Variants in PSG7 observed in about 807,000 individuals in gnomAD.
The protein encoded by PSG7 is pregnancy specific beta-1-glycoprotein 7, also known as pregnancy-specific beta-1-glycoprotein 7.
A neutral mutation model predicts 45.6 loss-of-function variants in PSG7; 57 were observed. That is an observed-to-expected ratio of 1.25 (90% CI 1.01 to 1.56). PSG7 has a LOEUF of 1.56. Ranked by LOEUF, PSG7 falls within the 40% of genes most tolerant of loss-of-function variation. The pLI is 0.00. For missense variants in PSG7, 796 were observed against 508.4 expected, an observed-to-expected ratio of 1.57 and a Z score of -5.44; for synonymous variants, 298 against 194.4, an observed-to-expected ratio of 1.53 and a Z score of -4.43.
intron 2 of PSG7, among the ~76,000 whole-genome samples, chr19:42,933,307 A>ATATAT (rs56691588): frequency 1.6e-3 from 22 of 13,494 alleles, no homozygotes; most frequent in East Asian, 4.9e-3. Flanking sequence ...ATATATATAT[A>ATATAT]TTTTTTTTTT....
chr19:42,933,307 A>ATATATATATTTTTTT (rs56691588), intron 2 of PSG7, among the ~76,000 whole-genome samples: 5 of 13,504 alleles, frequency 3.7e-4, no homozygotes, highest in South Asian at 7.0e-3. Context: ...ATATATATAT[A>ATATATATATTTTTTT]TTTTTTTTTT....
intron 3 of PSG7, chr19:42,929,176 T>A (rs1657121727): frequency 1.3e-6 from 1 of 772,968 alleles, no homozygotes; most frequent in Admixed American, 3.1e-5. Flanking sequence ...GCTGTGTTCA[T>A]GATCTGGAGC....
rs767017215 is a variant in PSG7, at chr19:42,929,678, G to T, written c.473C>A (p.Pro158His). 3 of 1,612,340 alleles carry T rather than the reference G, an allele frequency of 1.9e-6. No homozygotes were observed. The highest frequency in any genetic ancestry group is 2.2e-5 in the East Asian group (1 of 44,798). The change falls in exon 3 of 6, where the codon CCC becomes CAC. Residue 158 changes from proline (P) to histidine (H), a missense_variant. By Grantham distance (77) the Pro-to-His change is moderately conservative. Coordinates refer to ENST00000406070, the MANE Select transcript of PSG7 (RefSeq NM_002783.3). ...KPSISSSNFN[P>H]REATEAVILT... ...AATCACAGCCTCCGTGGCCTCCCTG[G>T]GGTTGAAATTGCTGCTGGAGATGGA...
At chr19:42,927,061 T>C (rs1972911424) in intron 3 of PSG7, 2 of 361,438 alleles carry the variant, frequency 5.5e-6, no homozygotes, top group Admixed American at 8.3e-5. Context: ...TTACCTGGAA[T>C]GTGCAACTGC....
rs144737325 is a variant in PSG7 at position 42,934,285 on chromosome 19, C to T, written c.430+1119G>A. Among the ~76,000 whole-genome samples the T allele has an allele frequency of 5.1e-3, 779 of 151,470 alleles. 18 individuals are homozygous for T. The highest frequency in any genetic ancestry group is 0.025 in the East Asian group (128 of 5,130). The stretch of plus-strand genomic sequence containing the variant: ...GGAGTGCAGACTAATCAGGTGACCA[C>T]TTGCTCTCACTCCTCTGAGGTTTGG... On this transcript the variant is annotated intron_variant, in intron 2 of 5. Transcript: ENST00000406070.
At chr19:42,936,041 G>C in intron 1 of PSG7, 1 of 582,826 alleles carries the variant, frequency 1.7e-6, no homozygotes, top group Non-Finnish European at 2.7e-6. Context: ...TTTTCTGTTT[G>C]GAATCCTCTT....
At position 42,935,509 on chromosome 19, in the gene PSG7, T is replaced by C. The variant is rs181854410; in HGVS notation, c.325A>G (p.Ile109Val). Residue 109 changes from isoleucine (I) to valine (V), a missense_variant, in exon 2 of 6, where the codon ATC (isoleucine) becomes GTC (valine). Transcript: ENST00000406070. ...GTGTCTTCCTGGGTGACATTCTGGA[T>C]CAGCAGGGATGCATTGGAATATACT... Reference protein sequence around the residue: ...ETVYSNASLLIQNVTQEDTGS... With the variant: ...ETVYSNASLLVQNVTQEDTGS... 4.3e-5 allele frequency: 69 copies of C among 1,612,244 alleles called. No individual in the cohort carries two copies. The highest frequency in any genetic ancestry group is 3.3e-4 in the Middle Eastern group (2 of 6,056).
intron 2 of PSG7, among the ~76,000 whole-genome samples, chr19:42,933,861 A>G (rs1254362031): frequency 5.9e-5 from 9 of 151,268 alleles, no homozygotes; most frequent in African/African-American, 9.7e-5. Flanking sequence ...CTTCAGAGTT[A>G]CATGAGGTGG....
intron 2 of PSG7, among the ~76,000 whole-genome samples, chr19:42,934,310 G>A (rs1317757141): frequency 6.6e-6 from 1 of 151,356 alleles, no homozygotes; most frequent in East Asian, 1.9e-4. Flanking sequence ...CTGAGGTTTG[G>A]ATGCCTAAGA....
At position 42,929,505 on chromosome 19, in the gene PSG7, C is replaced by T. The variant is rs763030433; in HGVS notation, c.646G>A (p.Glu216Lys). ...GVTNYTAGPY[E>K]CEIRNPVSAS... ...CTCACTGGGTTCCGTATTTCACATT[C>T]ATAGGGTCCTGCAGTATAGTTTGTG... Residue 216 changes from glutamate (E) to lysine (K), a missense_variant, in exon 3 of 6, where the codon GAA becomes AAA. Glu to Lys is a moderately conservative substitution (Grantham distance 56). Coordinates refer to ENST00000406070, the MANE Select transcript of PSG7 (RefSeq NM_002783.3). The T allele has an allele frequency of 6.2e-7, 1 of 1,612,596 alleles. No individual in the cohort carries two copies. Among genetic ancestry groups the T allele is most frequent in the East Asian group, 2.2e-5 (1 of 44,802 alleles).
chr19:42,933,420 G>A lies in PSG7; in HGVS notation c.430+1984C>T, dbSNP rs181940389. On this transcript the variant is annotated intron_variant, in intron 2 of 5. Coordinates refer to ENST00000406070, the MANE Select transcript of PSG7 (RefSeq NM_002783.3). ...TCCCTGTCCCATGGTCTTGTCCACA[G>A]GTCAGCCTCACAAAGTGAAAGAGCC... Among the ~76,000 whole-genome samples, 153 of 145,764 alleles carry A rather than the reference G, an allele frequency of 1.0e-3. 1 individual carries two copies. Among genetic ancestry groups the A allele is most frequent in the African/African-American group, 3.9e-3 (153 of 39,416 alleles).
At chr19:42,932,669 T>G (rs2122691134) in intron 2 of PSG7, among the ~76,000 whole-genome samples, 1 of 151,660 alleles carries the variant, frequency 6.6e-6, no homozygotes, top group Admixed American at 6.6e-5. Flanking sequence ...GGCCAGGCTA[T>G]CCTTGGGAAG....
At chr19:42,925,508 C>T in intron 5 of PSG7, 1 of 935,330 alleles carries the variant, frequency 1.1e-6, no homozygotes, top group Non-Finnish European at 1.5e-6. Flanking sequence ...ATCATAAAAA[C>T]ATTATCCTCA....
At chr19:42,935,873 G>GACACAC (rs60833164) in intron 1 of PSG7, 104 bp from the exon 2 acceptor site, 22,752 of 725,518 alleles carry the variant, frequency 0.031, 185 homozygotes, top group South Asian at 0.045. Context: ...CAGCCTTGAA[G>GACACAC]ACACACACAC....
chr19:42,935,896 A>G, intron 1 of PSG7, 127 bp from the exon 2 acceptor site: 1 of 1,268,224 alleles, frequency 7.9e-7, no homozygotes, highest in South Asian at 1.5e-5. Flanking sequence ...ACACACACAC[A>G]CACACACACA....
chr19:42,932,960 C>T (rs1406835006), intron 2 of PSG7, among the ~76,000 whole-genome samples: 1 of 150,560 alleles, frequency 6.6e-6, no homozygotes, highest in Non-Finnish European at 1.5e-5. Flanking sequence ...AGATGTTTCT[C>T]ATTCTTTTGC....
intron 2 of PSG7, among the ~76,000 whole-genome samples, chr19:42,929,996 T>C (rs58949549): frequency 0.16 from 24,141 of 151,432 alleles, 2,493 homozygotes; most frequent in African/African-American, 0.2. Flanking sequence ...AGTCACAGCT[T>C]CTGGTGCCTC....
chr19:42,934,217 T>G (rs2122696536), intron 2 of PSG7, among the ~76,000 whole-genome samples: 1 of 151,516 alleles, frequency 6.6e-6, no homozygotes, highest in South Asian at 2.1e-4. Context: ...CTGGACATTT[T>G]TTTTGCACTG....
In PSG7 at chr19:42,936,550, T is replaced by A. The variant is rs576865716; in HGVS notation, c.64+463A>T. ...TAAGATTTTCCTACCTCTTACCAAT[T>A]CCGGTTCAATGTGACTTTCCTATTT... is the stretch of plus-strand genomic sequence containing the variant. On this transcript the variant is annotated intron_variant, in intron 1 of 5. Coordinates refer to ENST00000406070, the MANE Select transcript of PSG7 (RefSeq NM_002783.3). 2.2e-3 allele frequency: 372 copies of A among 166,628 alleles called. 8 individuals are homozygous for A. Among genetic ancestry groups the A allele is most frequent in the Admixed American group, 5.0e-3 (86 of 17,108 alleles). The allele number at this position is 166,628 out of a possible 1,614,324, so 10.3% of individuals were successfully genotyped here. A position where few individuals can be genotyped will look rare whatever the true frequency, so the allele number is the denominator to read the frequency against.
Sources: gnomAD v4.1 joint callset for allele counts (sites outside exome capture counted in the v4.1 genomes callset) on GRCh38, gnomAD v4.1.1 for gene constraint, MANE v1.5 for transcripts, NCBI Gene and HGNC (gene_info 2026-07-23, HGNC 2026-07-21) for gene names.